UBR3: variants seen among roughly 807,000 people sequenced by gnomAD.
UBR3 encodes the protein ubiquitin protein ligase E3 component n-recognin 3, also known as E3 ubiquitin-protein ligase UBR3.
In UBR3, 85 loss-of-function variants were observed where a neutral mutation model predicts 243.2. The ratio of observed to expected loss-of-function variants is 0.35; its 90% CI spans 0.29 to 0.42. The LOEUF (loss-of-function observed/expected upper bound fraction) is 0.42, where lower values mean the gene tolerates loss of function less well. Ranked by LOEUF, UBR3 falls within the 10% of genes least tolerant of loss-of-function variation. The pLI is 1.00. For synonymous variants in UBR3, 748 were observed against 799.8 expected (o/e 0.94, Z 1.09); for missense variants, 1,686 against 2,300.8 (o/e 0.73, Z 5.47).
At chr2:169,932,139 G>A (rs944884992) in intron 18 of UBR3, among the ~76,000 whole-genome samples, 3 of 151,086 alleles carry the variant, frequency 2.0e-5, no homozygotes, top group Admixed American at 6.6e-5. Context: ...GTGCAGTGGC[G>A]TGATCTTGGC....
chr2:170,022,767 T>G (rs1277827229), intron 30 of UBR3, among the ~76,000 whole-genome samples: 2 of 152,180 alleles, frequency 1.3e-5, no homozygotes, highest in Non-Finnish European at 2.9e-5. Context: ...TAACTGCCAC[T>G]TGATTCTCTG....
rs192804834 is a variant in UBR3, at chr2:169,908,311, A to T, written c.1779+2147A>T. ...AGTGATTCTAACCAAAATGAAGAAC[A>T]ATTAATGTTAACTCTTTGAAATTTT... is the stretch of plus-strand genomic sequence containing the variant. On this transcript the variant is annotated intron_variant, in intron 10 of 38. Transcript: ENST00000272793. Among the ~76,000 whole-genome samples, 770 of 152,326 alleles carry T rather than the reference A, an allele frequency of 5.1e-3. 4 individuals are homozygous for T. Among genetic ancestry groups the T allele is most frequent in the African/African-American group, 0.018 (748 of 41,572 alleles).
intron 37 of UBR3, 149 bp downstream of exon 37, chr2:170,080,172 G>T: frequency 1.3e-6 from 1 of 775,456 alleles, no homozygotes. Context: ...CAGTAGAAGA[G>T]TAAAAAAAGA....
chr2:169,932,799 G>C, intron 18 of UBR3, 113 bp from the exon 19 acceptor site: 1 of 898,806 alleles, frequency 1.1e-6, no homozygotes, highest in Non-Finnish European at 1.7e-6. Context: ...ACTATAATCA[G>C]ATTAAATTGT....
chr2:169,839,616 C>A (rs2082226079), intron 1 of UBR3, among the ~76,000 whole-genome samples: 1 of 152,036 alleles, frequency 6.6e-6, no homozygotes, highest in African/African-American at 2.4e-5. Flanking sequence ...GAATGTATTA[C>A]ATTATTACAT....
At chr2:170,055,349 G>T in intron 32 of UBR3, 111 bp from the exon 33 acceptor site, 1 of 1,307,432 alleles carries the variant, frequency 7.6e-7, no homozygotes, top group South Asian at 1.4e-5. Context: ...ACTATTAAGT[G>T]TTGAAAACAA....
In UBR3 at chr2:170,064,947, A is replaced by G. The variant is rs538756659; in HGVS notation, c.5019+3504A>G. On this transcript the variant is annotated intron_variant, in intron 35 of 38. Coordinates refer to ENST00000272793, the MANE Select transcript of UBR3 (RefSeq NM_172070.4). ...AACCTCCATCTCCTGGGTTCAAGCA[A>G]TTCTCCTACCTCAGCCTTCCAAGTA... is the stretch of plus-strand genomic sequence containing the variant. Among the ~76,000 whole-genome samples, 9 of 151,454 alleles carry G rather than the reference A, an allele frequency of 5.9e-5. No individual in the cohort carries two copies. The East Asian group carries it at 1.2e-3, about 20-fold the overall frequency.
intron 31 of UBR3, among the ~76,000 whole-genome samples, chr2:170,040,430 A>G (rs2090938975): frequency 6.6e-6 from 1 of 152,142 alleles, no homozygotes; most frequent in Non-Finnish European, 1.5e-5. Flanking sequence ...AGAGCAGTTA[A>G]CCATACCTTT....
At chr2:170,072,901 T>A (rs1420738431) in intron 35 of UBR3, among the ~76,000 whole-genome samples, 1 of 152,158 alleles carries the variant, frequency 6.6e-6, no homozygotes, top group African/African-American at 2.4e-5. Flanking sequence ...ATATCTCTGG[T>A]ACTTTTATTA....
chr2:169,969,810 A>C (rs1339703543), intron 24 of UBR3, among the ~76,000 whole-genome samples: 1 of 132,644 alleles, frequency 7.5e-6, no homozygotes, highest in Non-Finnish European at 1.8e-5. Context: ...CCGCCTCCCA[A>C]AGTGCTGGGA....
chr2:169,851,033 A>G (rs539244422), intron 1 of UBR3, among the ~76,000 whole-genome samples: 8 of 152,164 alleles, frequency 5.3e-5, no homozygotes, highest in African/African-American at 9.7e-5. Context: ...TGATTTGACA[A>G]TCCTTGTCTT....
chr2:169,934,644 T>TG (rs2086256785), intron 19 of UBR3, among the ~76,000 whole-genome samples: 1 of 152,216 alleles, frequency 6.6e-6, no homozygotes, highest in African/African-American at 2.4e-5. Context: ...AGCAGGCCTT[T>TG]TGGAGGTCAT....
intron 1 of UBR3, among the ~76,000 whole-genome samples, chr2:169,845,422 C>CAA (rs1201691579): frequency 1.4e-5 from 1 of 74,014 alleles, no homozygotes; most frequent in Non-Finnish European, 2.7e-5. Flanking sequence ...GACCCCATCT[C>CAA]AAAAAAAAAA....
intron 1 of UBR3, among the ~76,000 whole-genome samples, chr2:169,854,548 AAG>A (rs1216259208): frequency 6.6e-6 from 1 of 152,128 alleles, no homozygotes; most frequent in Non-Finnish European, 1.5e-5. Context: ...AACTTAGATT[AAG>A]AGTTTCTGTA....
At position 169,947,627 on chromosome 2, in the gene UBR3, A is replaced by G; in HGVS notation, c.2996A>G (p.Tyr999Cys). The stretch of plus-strand genomic sequence containing the variant: ...TCAAACATGCGACACTTTATAAACT[A>G]TGTTAGAGTAAGAGTTCCAGAGACT... Reference protein sequence around the residue: ...LVSNMRHFINYVRVRVPETAP... With the variant: ...LVSNMRHFINCVRVRVPETAP... Residue 999 changes from tyrosine to cysteine, a missense_variant, in exon 22 of 39, where the codon TAT (tyrosine) becomes TGT (cysteine). Coordinates refer to ENST00000272793, the MANE Select transcript of UBR3 (RefSeq NM_172070.4). 6.5e-7 allele frequency: 1 copy of G among 1,541,610 alleles called. No individual in the cohort carries two copies. Among genetic ancestry groups the G allele is most frequent in the Non-Finnish European group, 8.8e-7 (1 of 1,142,154 alleles).
intron 11 of UBR3, among the ~76,000 whole-genome samples, chr2:169,921,402 G>C (rs1392827679): frequency 6.6e-6 from 1 of 152,170 alleles, no homozygotes; most frequent in South Asian, 2.1e-4. Flanking sequence ...AGGACTCTCA[G>C]TATATATAGG....
intron 5 of UBR3, among the ~76,000 whole-genome samples, chr2:169,890,551 A>ATATATGTG (rs1553504477): frequency 2.9e-5 from 3 of 102,040 alleles, no homozygotes; most frequent in Non-Finnish European, 5.9e-5. Context: ...ATATATATAT[A>ATATATGTG]TATATATATA....
In UBR3 at chr2:169,931,703, A is replaced by T. The variant is rs555906315; in HGVS notation, c.2567-1209A>T. ...TCCTTTAGATTTTTGCCACATCTAA[A>T]TAGCCTCTCTACTGAAATATACTTA... On this transcript the variant is annotated intron_variant, in intron 18 of 38. Coordinates refer to ENST00000272793, the MANE Select transcript of UBR3 (RefSeq NM_172070.4). Among the ~76,000 whole-genome samples the T allele has an allele frequency of 3.8e-3, 575 of 152,294 alleles. 3 individuals carry two copies. The highest frequency in any genetic ancestry group is 7.7e-3 in the South Asian group (37 of 4,828).
chr2:169,930,885 A>T lies in UBR3; in HGVS notation c.2566+2017A>T, dbSNP rs191742489. The stretch of plus-strand genomic sequence containing the variant: ...TAGCTTCTTCTCTGTCCTGCTATCT[A>T]CTTGCTCCTAAAGTGGCCCCTGTTA... On this transcript the variant is annotated intron_variant, in intron 18 of 38. Transcript: ENST00000272793. Among the ~76,000 whole-genome samples the T allele has an allele frequency of 1.8e-3, 273 of 152,228 alleles. No individual in the cohort carries two copies. The Middle Eastern group carries it at 0.02, about 11-fold the overall frequency.
Sources: gnomAD v4.1 joint callset for allele counts (sites outside exome capture counted in the v4.1 genomes callset) on GRCh38, gnomAD v4.1.1 for gene constraint, MANE v1.5 for transcripts, NCBI Gene and HGNC (gene_info 2026-07-23, HGNC 2026-07-21) for gene names.